Variants in TC2N observed in about 807,000 individuals in gnomAD.
TC2N encodes the protein tandem C2 domains nuclear protein.
Under a neutral mutation model 61.9 loss-of-function variants are expected in TC2N, and 51 were observed. That is an observed-to-expected ratio of 0.82 (90% CI 0.66 to 1.04). The LOEUF (loss-of-function observed/expected upper bound fraction) is 1.04. TC2N is among the 50% of genes least tolerant of loss of function. The probability of loss-of-function intolerance (pLI) is 0.00; values close to 1 mark genes in which losing one functional copy is unlikely to be tolerated. For missense variants in TC2N, 556 were observed against 566.7 expected, an observed-to-expected ratio of 0.98 and a Z score of 0.19; for synonymous variants, 204 against 192.6, an observed-to-expected ratio of 1.06 and a Z score of -0.49.
intron 1 of TC2N, among the ~76,000 whole-genome samples, chr14:91,861,063 G>C (rs185905803): frequency 4.6e-5 from 7 of 152,298 alleles, no homozygotes; most frequent in African/African-American, 1.4e-4. Flanking sequence ...TACCATAATG[G>C]AGTGGGACAA....
chr14:91,833,333 T>C (rs890471483), intron 1 of TC2N, among the ~76,000 whole-genome samples: 9 of 152,168 alleles, frequency 5.9e-5, no homozygotes, highest in African/African-American at 1.9e-4. Context: ...TTATCCATAA[T>C]TATATTACCC....
At chr14:91,805,116 T>C (rs1415460929) in intron 3 of TC2N, among the ~76,000 whole-genome samples, 1 of 152,178 alleles carries the variant, frequency 6.6e-6, no homozygotes, top group Non-Finnish European at 1.5e-5. Flanking sequence ...TATACGACAG[T>C]GGTTCCATAA....
At chr14:91,803,380 T>TATACACAC (rs1555369732) in intron 3 of TC2N, among the ~76,000 whole-genome samples, 1 of 145,460 alleles carries the variant, frequency 6.9e-6, no homozygotes, top group African/African-American at 2.5e-5. Flanking sequence ...CATACATATA[T>TATACACAC]ACACACACAC....
At chr14:91,859,282 T>C (rs1888544878) in intron 1 of TC2N, among the ~76,000 whole-genome samples, 1 of 152,194 alleles carries the variant, frequency 6.6e-6, no homozygotes, top group South Asian at 2.1e-4. Context: ...ATGTAAATCT[T>C]ACCTTAACAA....
intron 6 of TC2N, 91 bp downstream of exon 6, chr14:91,798,898 T>C: frequency 1.3e-6 from 1 of 785,830 alleles, no homozygotes. Flanking sequence ...TACAATCATC[T>C]AGAGTTTTTC....
chr14:91,783,359 T>A (rs1008802884), intron 11 of TC2N, 149 bp from the exon 12 acceptor site: 3 of 548,912 alleles, frequency 5.5e-6, no homozygotes, highest in Non-Finnish European at 6.4e-6. Flanking sequence ...AAAAGTCAGA[T>A]TGATTTCTCT....
At chr14:91,831,819 C>T (rs1201611693) in intron 1 of TC2N, among the ~76,000 whole-genome samples, 1 of 152,000 alleles carries the variant, frequency 6.6e-6, no homozygotes, top group Non-Finnish European at 1.5e-5. Flanking sequence ...CAGAGATTTC[C>T]CATATACCCC....
chr14:91,837,557 T>C lies in TC2N; in HGVS notation c.-56-23732A>G, dbSNP rs536862284. ...CAGCCTGGGTGGTGGGACTGTAAAA[T>C]TGAAAGAAAGGTTCATACTTTTCCT... On this transcript the variant is annotated intron_variant, in intron 1 of 11. Coordinates refer to ENST00000435962, the MANE Select transcript of TC2N (RefSeq NM_001128596.3). This position sits in a 1 kb window ranked among gnomAD's most constrained non-coding sequence, Gnocchi z 4.2. Among the ~76,000 whole-genome samples, 3 of 152,218 alleles carry C rather than the reference T, an allele frequency of 2.0e-5. No homozygotes were observed. In the East Asian group the frequency reaches 5.8e-4, roughly 29 times the overall value.
chr14:91,819,547 AG>A (rs1329958335), intron 1 of TC2N, among the ~76,000 whole-genome samples: 1 of 152,232 alleles, frequency 6.6e-6, no homozygotes, highest in Non-Finnish European at 1.5e-5. Context: ...CTACACCACA[AG>A]AAGTGTTAAA....
At chr14:91,804,302 A>G (rs917968666) in intron 3 of TC2N, among the ~76,000 whole-genome samples, 7 of 152,218 alleles carry the variant, frequency 4.6e-5, no homozygotes, top group Admixed American at 2.6e-4. Context: ...AAAGCCGAAG[A>G]TATTTATATT....
At chr14:91,824,102 T>C (rs532248065) in intron 1 of TC2N, among the ~76,000 whole-genome samples, 147 of 152,310 alleles carry the variant, frequency 9.7e-4, no homozygotes, top group African/African-American at 3.4e-3. Flanking sequence ...CCAGAAATGA[T>C]ATGGGGACAT....
At chr14:91,858,152 C>CTTCTTTTTTTTTTTTTTTTTTT (rs1555373188) in intron 1 of TC2N, among the ~76,000 whole-genome samples, 1 of 92,334 alleles carries the variant, frequency 1.1e-5, no homozygotes, top group Non-Finnish European at 2.1e-5. Flanking sequence ...TCTTCTTCTT[C>CTTCTTTTTTTTTTTTTTTTTTT]TTTTTTTTTT....
rs1271760457 is a variant in TC2N, at chr14:91,785,314, T to C, written c.1210A>G (p.Lys404Glu). The C allele has an allele frequency of 1.9e-6, 3 of 1,613,820 alleles. No homozygotes were observed. In the East Asian group the frequency reaches 6.7e-5, roughly 36 times the overall value. Residue 404 changes from lysine (K) to glutamate (E), a missense_variant, in exon 11 of 12, where the codon AAG becomes GAG. By Grantham distance (56) the Lys-to-Glu change is moderately conservative. Coordinates refer to ENST00000435962, the MANE Select transcript of TC2N (RefSeq NM_001128596.3). ...GCCTTCAGTAAGCGTGTCTTTTTCT[T>C]ATAAATCAACTCTCCCGAGCTAAAC... ...GMFSSGELIY[K>E]KKTRLLKASN...
intron 8 of TC2N, among the ~76,000 whole-genome samples, chr14:91,795,153 C>T (rs114587862): frequency 2.2e-3 from 334 of 152,182 alleles, no homozygotes; most frequent in African/African-American, 7.0e-3. Flanking sequence ...ACAATATGAA[C>T]AGATAAGGAG....
At chr14:91,796,875 G>A (rs1442024868) in intron 8 of TC2N, among the ~76,000 whole-genome samples, 2 of 152,012 alleles carry the variant, frequency 1.3e-5, no homozygotes, top group Non-Finnish European at 2.9e-5. Flanking sequence ...ATACACATAG[G>A]TACACCATTA....
rs1450170859 is a variant in TC2N at position 91,813,679 on chromosome 14, T to C, written c.67+24A>G. 5 of 1,509,124 alleles carry C rather than the reference T, an allele frequency of 3.3e-6. No individual in the cohort carries two copies. The African/African-American group carries it at 4.1e-5, about 12-fold the overall frequency. The allele number at this position is 1,509,124 out of a possible 1,614,324, so 93.5% of individuals were successfully genotyped here. The stretch of plus-strand genomic sequence containing the variant: ...AATGAAGAAGATGCTACATAAATGT[T>C]ACTGAAGTCAAAATAAAACTCACAG... On this transcript the variant is annotated intron_variant, in intron 2 of 11. Coordinates refer to ENST00000435962, the MANE Select transcript of TC2N (RefSeq NM_001128596.3).
In TC2N at chr14:91,813,833, T is replaced by C. The variant is rs528875880; in HGVS notation, c.-56-8A>G. 1 of 1,182,086 alleles carries C rather than the reference T, an allele frequency of 8.5e-7. No individual in the cohort carries two copies. Among genetic ancestry groups the C allele is most frequent in the Non-Finnish European group, 1.2e-6 (1 of 801,574 alleles). The allele number at this position is 1,182,086 out of a possible 1,614,324, so 73.2% of individuals were successfully genotyped here. ...TCCAATCTTAATATTAATCTGTTGG[T>C]AGAATAGAAAACAAGTTAACCTGCT... On this transcript the variant is annotated splice_polypyrimidine_tract_variant and splice_region_variant and intron_variant, in intron 1 of 11. Transcript: ENST00000435962.
At chr14:91,820,513 G>C (rs10142521) in intron 1 of TC2N, among the ~76,000 whole-genome samples, 83,077 of 151,142 alleles carry the variant, frequency 0.55, 23,034 homozygotes, top group Admixed American at 0.59. Flanking sequence ...ACAGGAACTG[G>C]TGAAAGATTG....
At chr14:91,817,584 C>T (rs1209496838) in intron 1 of TC2N, among the ~76,000 whole-genome samples, 1 of 152,054 alleles carries the variant, frequency 6.6e-6, no homozygotes, top group Non-Finnish European at 1.5e-5. Context: ...CAGCAAATAC[C>T]TAGTTGATAG....
Sources: gnomAD v4.1 joint callset for allele counts (sites outside exome capture counted in the v4.1 genomes callset) on GRCh38, gnomAD v4.1.1 for gene constraint, Gnocchi (gnomAD v3.1) non-coding constraint, MANE v1.5 for transcripts, NCBI Gene and HGNC (gene_info 2026-07-23, HGNC 2026-07-21) for gene names.